Variants in PPIP5K2 observed in about 807,000 individuals in gnomAD.
PPIP5K2 encodes inositol hexakisphosphate and diphosphoinositol-pentakisphosphate kinase 2.
In PPIP5K2, 105 loss-of-function variants were observed where a neutral mutation model predicts 154.6. The observed-to-expected ratio is 0.68, with a 90% CI of 0.58 to 0.80. The LOEUF (loss-of-function observed/expected upper bound fraction) is 0.80, where lower values mean the gene tolerates loss of function less well. Ranked by LOEUF, PPIP5K2 falls within the 30% of genes least tolerant of loss-of-function variation. The probability of loss-of-function intolerance (pLI) is 0.00; values close to 1 mark genes in which losing one functional copy is unlikely to be tolerated. For missense variants in PPIP5K2, 992 were observed against 1,504.6 expected (o/e 0.66, Z 5.64); for synonymous variants, 480 against 490.3 (o/e 0.98, Z 0.28).
chr5:103,181,578 T>A (rs368780344), intron 24 of PPIP5K2, among the ~76,000 whole-genome samples: 6 of 151,680 alleles, frequency 4.0e-5, no homozygotes, highest in South Asian at 2.1e-4. Context: ...TCTCAAAAAA[T>A]AAATAAATAA....
rs750306027 is a variant in PPIP5K2 at position 103,197,688 on chromosome 5, G to A, written c.3619+2663G>A. On this transcript the variant is annotated intron_variant, in intron 30 of 30. Coordinates refer to ENST00000358359, the MANE Select transcript of PPIP5K2 (RefSeq NM_001276277.3). ...CCTCCCGGGTTCAAGCGATTCTCCT[G>A]TCTCGGCCTCCTAAGTAGCTGGGAT... 1.9e-3 allele frequency among the ~76,000 whole-genome samples: 276 copies of A among 143,518 alleles called. 4 individuals are homozygous for A. The Admixed American group carries it at 0.02, about 11-fold the overall frequency. The allele number at this position is 143,518 out of a possible 152,430, so 94.2% of individuals were successfully genotyped here.
intron 10 of PPIP5K2, among the ~76,000 whole-genome samples, chr5:103,153,167 G>T (rs1794900247): frequency 6.6e-6 from 1 of 151,532 alleles, no homozygotes; most frequent in African/African-American, 2.4e-5. Flanking sequence ...TCACAACTTA[G>T]ATATTTATAT....
chr5:103,144,742 T>C (rs1793444872), intron 5 of PPIP5K2, among the ~76,000 whole-genome samples: 1 of 152,122 alleles, frequency 6.6e-6, no homozygotes. Flanking sequence ...TAAGCCCCTA[T>C]CTCTCTCCAT....
At chr5:103,127,543 C>T (rs1281883718) in intron 1 of PPIP5K2, among the ~76,000 whole-genome samples, 1 of 152,100 alleles carries the variant, frequency 6.6e-6, no homozygotes, top group African/African-American at 2.4e-5. Flanking sequence ...AAATAATGAA[C>T]AATTCATTCT....
chr5:103,131,278 T>C (rs908237264), intron 2 of PPIP5K2, among the ~76,000 whole-genome samples: 14 of 152,334 alleles, frequency 9.2e-5, no homozygotes, highest in Non-Finnish European at 1.8e-4. Flanking sequence ...AATTATGTGA[T>C]ATTTACATGT....
intron 5 of PPIP5K2, among the ~76,000 whole-genome samples, chr5:103,138,959 T>C (rs978803619): frequency 1.3e-5 from 2 of 152,254 alleles, no homozygotes; most frequent in African/African-American, 4.8e-5. Flanking sequence ...CCACATATAC[T>C]GATAGCCAAC....
rs150177229 is a variant in PPIP5K2, at chr5:103,170,739, G to A, written c.2287-2416G>A. On this transcript the variant is annotated intron_variant, in intron 19 of 30. Coordinates refer to ENST00000358359, the MANE Select transcript of PPIP5K2 (RefSeq NM_001276277.3). ...TTTAGGCCTCATAAATACAAAAACTGTGGACAGAAGGCAGGTATTTTCAAT... is the reference window on the plus strand; with the variant it reads ...TTTAGGCCTCATAAATACAAAAACTATGGACAGAAGGCAGGTATTTTCAAT... 6.2e-4 allele frequency among the ~76,000 whole-genome samples: 93 copies of A among 150,980 alleles called. 1 individual carries two copies. The highest frequency in any genetic ancestry group is 2.2e-3 in the African/African-American group (91 of 41,328).
intron 6 of PPIP5K2, among the ~76,000 whole-genome samples, chr5:103,147,390 C>T (rs797026644): frequency 2.6e-5 from 4 of 152,012 alleles, no homozygotes; most frequent in African/African-American, 9.6e-5. Context: ...TGATGAGACC[C>T]TACATTGTTA....
chr5:103,124,505 A>G (rs1789314454), intron 1 of PPIP5K2, among the ~76,000 whole-genome samples: 1 of 152,150 alleles, frequency 6.6e-6, no homozygotes, highest in South Asian at 2.1e-4. Context: ...TGTGATGATG[A>G]TCAAATTACC....
intron 19 of PPIP5K2, among the ~76,000 whole-genome samples, chr5:103,170,471 A>G (rs1797809705): frequency 6.6e-6 from 1 of 151,628 alleles, no homozygotes; most frequent in Non-Finnish European, 1.5e-5. Context: ...GACTCTTCAG[A>G]TAAAATTATG....
chr5:103,176,310 TC>T (rs1562473964), intron 21 of PPIP5K2, among the ~76,000 whole-genome samples: 2 of 152,014 alleles, frequency 1.3e-5, no homozygotes, highest in Non-Finnish European at 2.9e-5. Flanking sequence ...AATCACAAGA[TC>T]AATTATCTGT....
At chr5:103,197,599 G>A (rs552027173) in intron 30 of PPIP5K2, among the ~76,000 whole-genome samples, 169 of 117,938 alleles carry the variant, frequency 1.4e-3, no homozygotes, top group African/African-American at 4.4e-3. Flanking sequence ...TTTTTGAGAC[G>A]GAGTCTCCCT....
At chr5:103,156,708 G>T (rs1422237689) in intron 14 of PPIP5K2, among the ~76,000 whole-genome samples, 2 of 152,196 alleles carry the variant, frequency 1.3e-5, no homozygotes, top group Non-Finnish European at 2.9e-5. Context: ...AATTGGCACA[G>T]TGTTTTGAAA....
chr5:103,170,561 T>C (rs73199722), intron 19 of PPIP5K2, among the ~76,000 whole-genome samples: 2,485 of 151,682 alleles, frequency 0.016, 60 homozygotes, highest in African/African-American at 0.057. Flanking sequence ...GCTTCCCTGG[T>C]GTCCTGAGAT....
In PPIP5K2 at chr5:103,142,775, C is replaced by CAAA. The variant is rs70990422; in HGVS notation, c.488-3738_488-3736dup. ...TGGGCGAGTGAGCAAGACTCCGTCT[C>CAAA]AAAAAAAAAAAAAAAATTCAAGAAA... On this transcript the variant is annotated intron_variant, in intron 5 of 30. Coordinates refer to ENST00000358359, the MANE Select transcript of PPIP5K2 (RefSeq NM_001276277.3). Among the ~76,000 whole-genome samples, 625 of 138,186 alleles carry CAAA rather than the reference C, an allele frequency of 4.5e-3. 8 individuals carry two copies. The highest frequency in any genetic ancestry group is 0.015 in the African/African-American group (554 of 37,104). 90.7% of individuals were successfully genotyped at this position (138,186 alleles called of 152,430 possible). A position where few individuals can be genotyped will look rare whatever the true frequency, so the allele number is the denominator to read the frequency against.
chr5:103,203,022 T>C lies in PPIP5K2; in HGVS notation c.*1388T>C, dbSNP rs1194038927. 1 of 152,564 alleles carries C rather than the reference T, an allele frequency of 6.6e-6. No individual in the cohort carries two copies. The highest frequency in any genetic ancestry group is 1.9e-4 in the East Asian group (1 of 5,202). 9.5% of individuals were successfully genotyped at this position (152,564 alleles called of 1,614,324 possible). ...ACCAGATGTAAGAGTCATAAATATA[T>C]GCAATTAAAGAAGTTCATAGATTTC... On this transcript the variant is annotated 3_prime_UTR_variant, in exon 31 of 31. Coordinates refer to ENST00000358359, the MANE Select transcript of PPIP5K2 (RefSeq NM_001276277.3).
At chr5:103,161,526 A>AATCGC (rs1796237309) in intron 17 of PPIP5K2, among the ~76,000 whole-genome samples, 1 of 152,170 alleles carries the variant, frequency 6.6e-6, no homozygotes. Context: ...ATCCTTGAGG[A>AATCGC]ATCGCCATAC....
rs1264692021 is a variant in PPIP5K2, at chr5:103,208,444, A to C, written c.*6810A>C. The C allele has an allele frequency of 6.6e-6, 1 of 152,202 alleles. No individual in the cohort carries two copies. The highest frequency in any genetic ancestry group is 6.5e-5 in the Admixed American group (1 of 15,276). The allele number at this position is 152,202 out of a possible 1,614,324, so 9.4% of individuals were successfully genotyped here. ...TACCAAGGTGACAGTGAATCTCCTTATGACAGGATTGTGGGTCTGAGAGAG... is the reference window on the plus strand; with the variant it reads ...TACCAAGGTGACAGTGAATCTCCTTCTGACAGGATTGTGGGTCTGAGAGAG... On this transcript the variant is annotated 3_prime_UTR_variant, in exon 31 of 31. Transcript: ENST00000358359.
chr5:103,146,794 A>G (rs1052021853), intron 6 of PPIP5K2, 113 bp downstream of exon 6: 2 of 865,644 alleles, frequency 2.3e-6, no homozygotes, highest in Non-Finnish European at 3.2e-6. Flanking sequence ...AAAATGTATC[A>G]TTTAGAGGTA....
Sources: gnomAD v4.1 joint callset for allele counts (sites outside exome capture counted in the v4.1 genomes callset) on GRCh38, gnomAD v4.1.1 for gene constraint, MANE v1.5 for transcripts, NCBI Gene and HGNC (gene_info 2026-07-23, HGNC 2026-07-21) for gene names.